The following DCAF1 variants were observed in gnomAD, a reference collection of about 807,000 sequenced individuals.
DCAF1 encodes the protein DDB1- and CUL4-associated factor 1.
DCAF1 carries 15 observed loss-of-function variants against 128.0 expected under a neutral mutation model. The ratio of observed to expected loss-of-function variants is 0.12; its 90% CI spans 0.08 to 0.18. The LOEUF (loss-of-function observed/expected upper bound fraction) is 0.18, where lower values mean the gene tolerates loss of function less well. DCAF1 is among the 10% of genes least tolerant of loss of function. DCAF1 has a pLI of 1.00. For synonymous variants in DCAF1, 610 were observed against 603.0 expected (o/e 1.01, Z -0.17); for missense variants, 988 against 1,649.5 (o/e 0.60, Z 6.95).
chr3:51,468,645 G>A (rs1201265121), intron 4 of DCAF1, among the ~76,000 whole-genome samples: 16 of 152,072 alleles, frequency 1.1e-4, no homozygotes, highest in African/African-American at 7.2e-5. Context: ...CAAAAAGAAA[G>A]AAACATCAGA....
At chr3:51,496,443 T>A (rs1553661018) in intron 2 of DCAF1, among the ~76,000 whole-genome samples, 2 of 151,920 alleles carry the variant, frequency 1.3e-5, no homozygotes, top group Non-Finnish European at 2.9e-5. Flanking sequence ...CACCTTGTTA[T>A]GCCCAAGACA....
chr3:51,480,385 A>G (rs1028258562), intron 3 of DCAF1, among the ~76,000 whole-genome samples: 3 of 152,000 alleles, frequency 2.0e-5, no homozygotes, highest in Admixed American at 6.6e-5. Context: ...TCATGAGGTC[A>G]GGAGTTCGAG....
At chr3:51,431,335 T>G (rs1444582704) in intron 10 of DCAF1, among the ~76,000 whole-genome samples, 1 of 148,628 alleles carries the variant, frequency 6.7e-6, no homozygotes. Flanking sequence ...CTAGCCAACA[T>G]GGTAAAACCC....
intron 6 of DCAF1, among the ~76,000 whole-genome samples, chr3:51,451,069 CTTTTTTTTTT>C (rs1167474829): frequency 1.9e-3 from 51 of 27,108 alleles, no homozygotes; most frequent in Non-Finnish European, 2.4e-3. Flanking sequence ...AAAGGAAATT[CTTTTTTTTTT>C]TTTTTTTTTT....
chr3:51,461,909 T>C (rs1703627861), intron 6 of DCAF1, among the ~76,000 whole-genome samples: 1 of 151,792 alleles, frequency 6.6e-6, no homozygotes, highest in Admixed American at 6.6e-5. Flanking sequence ...CTGGGGACTG[T>C]TGTGGGGTGG....
At chr3:51,431,221 T>C (rs1700338731) in intron 10 of DCAF1, among the ~76,000 whole-genome samples, 1 of 152,020 alleles carries the variant, frequency 6.6e-6, no homozygotes, top group African/African-American at 2.4e-5. Context: ...ATTTACACTT[T>C]TTAAAAAATC....
intron 13 of DCAF1, among the ~76,000 whole-genome samples, chr3:51,423,324 A>T (rs1339506940): frequency 6.6e-6 from 1 of 151,354 alleles, no homozygotes; most frequent in Non-Finnish European, 1.5e-5. Context: ...AAACCCTGTC[A>T]CTACTAAAAT....
rs1553630557 is a variant in DCAF1, at chr3:51,416,827, G to A, written c.3563C>T (p.Ser1188Phe). 1.2e-6 allele frequency: 2 copies of A among 1,611,782 alleles called. No individual in the cohort carries two copies. Among genetic ancestry groups the A allele is most frequent in the African/African-American group, 1.3e-5 (1 of 74,876 alleles). ...EDHYVEFSKH[S>F]QDRVIGTKGD... ...TTTTGTGCCGATGACCCGATCCTGG[G>A]AGTGCTTACTGAACTCAACATAGTG... The change falls in exon 18 of 25, where the codon TCC becomes TTC. Residue 1188 changes from serine (S) to phenylalanine (F), a missense_variant. Ser to Phe is a radical substitution (Grantham distance 155). Around this residue, in one of 11 missense-constraint regions of DCAF1, gnomAD observed 61 missense variants for 78.3 expected, o/e 0.78. Transcript: ENST00000684031.
At chr3:51,401,351 G>C (rs1389203450) in intron 24 of DCAF1, among the ~76,000 whole-genome samples, 1 of 152,154 alleles carries the variant, frequency 6.6e-6, no homozygotes, top group Non-Finnish European at 1.5e-5. Flanking sequence ...TGCTCTAAAG[G>C]ATTAGTGTTA....
At chr3:51,396,156 G>C (rs2089189741), downstream of DCAF1, 1 of 393,210 alleles carries the variant, frequency 2.5e-6, no homozygotes, top group Admixed American at 4.5e-5. Flanking sequence ...CATGAAGCAG[G>C]TGCTCAGGAC....
chr3:51,481,671 A>G (rs992455867), intron 3 of DCAF1, among the ~76,000 whole-genome samples: 5 of 151,646 alleles, frequency 3.3e-5, no homozygotes, highest in African/African-American at 9.7e-5. Flanking sequence ...TGGGGCAGAG[A>G]GCAAGACTCC....
At chr3:51,415,284 G>A (rs1553629960) in intron 18 of DCAF1, among the ~76,000 whole-genome samples, 1 of 152,006 alleles carries the variant, frequency 6.6e-6, no homozygotes, top group Admixed American at 6.6e-5. Flanking sequence ...CTTGAGCCCA[G>A]GAGTTCGAGA....
Position 51,441,527 on chromosome 3 carries a change from A to G in DCAF1, c.884T>C (p.Met295Thr). Residue 295 changes from methionine to threonine, a missense_variant, in exon 8 of 25, where the codon ATG (methionine) becomes ACG (threonine). This residue lies in a region of DCAF1 where 210 missense variants were observed against 260.2 expected (regional missense o/e 0.81). Transcript: ENST00000684031. Reference protein sequence around the residue: ...LGFSSSDPDRMFVELSNSSWS... With the variant: ...LGFSSSDPDRTFVELSNSSWS... ...ACTGCTATTAGACAGCTCAACAAAC[A>G]TGCGATCTGGATCAGAAGATGAGAA... 1.2e-6 allele frequency: 2 copies of G among 1,613,994 alleles called. No individual in the cohort carries two copies. The highest frequency in any genetic ancestry group is 8.5e-7 in the Non-Finnish European group (1 of 1,179,892).
intron 9 of DCAF1, among the ~76,000 whole-genome samples, chr3:51,438,752 T>C (rs572984997): frequency 1.3e-5 from 2 of 151,632 alleles, no homozygotes; most frequent in Admixed American, 1.3e-4. Context: ...GCTGGGATTA[T>C]AGGCATGTGC....
chr3:51,470,816 A>T lies in DCAF1; in HGVS notation c.187+113T>A, dbSNP rs1704650000. On this transcript the variant is annotated intron_variant, in intron 4 of 24. Coordinates refer to ENST00000684031, the MANE Select transcript of DCAF1 (RefSeq NM_001387579.1). ...ACAAAAGACGCTATTTCAATTCAAA[A>T]ATTTTCCCATAAGCAATTTTTCTTT... 3 of 636,802 alleles carry T rather than the reference A, an allele frequency of 4.7e-6. No individual in the cohort carries two copies. In the Admixed American group the frequency reaches 1.0e-4, roughly 21 times the overall value. 39.4% of individuals were successfully genotyped at this position (636,802 alleles called of 1,614,324 possible).
chr3:51,480,969 T>C (rs1171952209), intron 3 of DCAF1, among the ~76,000 whole-genome samples: 2 of 152,142 alleles, frequency 1.3e-5, no homozygotes, highest in Non-Finnish European at 1.5e-5. Context: ...GTGTGGTACA[T>C]AATTTTATTG....
At chr3:51,413,407 G>A in intron 20 of DCAF1, 21 bp from the exon 21 acceptor site, 1 of 1,603,808 alleles carries the variant, frequency 6.2e-7, no homozygotes, top group Non-Finnish European at 8.5e-7. Context: ...AGTGGGGGAG[G>A]AAACACTATT....
intron 9 of DCAF1, among the ~76,000 whole-genome samples, chr3:51,436,763 C>T (rs1310297308): frequency 6.6e-6 from 1 of 152,054 alleles, no homozygotes; most frequent in African/African-American, 2.4e-5. Flanking sequence ...AGACAAAACC[C>T]AACATCAAGA....
At chr3:51,413,800 C>A in intron 20 of DCAF1, 150 bp downstream of exon 20, 2 of 1,050,938 alleles carry the variant, frequency 1.9e-6, no homozygotes, top group East Asian at 3.1e-5. Flanking sequence ...TCTTTTGTCA[C>A]CATTCATACT....
Sources: gnomAD v4.1 joint callset for allele counts (sites outside exome capture counted in the v4.1 genomes callset) on GRCh38, gnomAD v4.1.1 for gene constraint, gnomAD v4.1.1 regional missense constraint, MANE v1.5 for transcripts, NCBI Gene and HGNC (gene_info 2026-07-23, HGNC 2026-07-21) for gene names.